HMCN1: variants seen among roughly 807,000 people sequenced by gnomAD.
The protein encoded by HMCN1 is hemicentin-1.
Under a neutral mutation model 625.9 loss-of-function variants are expected in HMCN1, and 321 were observed. The ratio of observed to expected loss-of-function variants is 0.51; its 90% CI spans 0.47 to 0.56. The LOEUF (loss-of-function observed/expected upper bound fraction) is 0.56, where lower values mean the gene tolerates loss of function less well. Among genes scored for constraint, HMCN1 ranks in the 20% least tolerant of loss-of-function variants. The probability of loss-of-function intolerance (pLI) is 0.00; values close to 1 mark genes in which losing one functional copy is unlikely to be tolerated. For missense variants in HMCN1, 6,588 were observed against 6,887.3 expected (o/e 0.96, Z 1.54); for synonymous variants, 2,425 against 2,417.6 (o/e 1.00, Z -0.09).
intron 4 of HMCN1, 40 bp downstream of exon 4, chr1:185,865,903 C>T: frequency 6.2e-7 from 1 of 1,607,876 alleles, no homozygotes; most frequent in Non-Finnish European, 8.5e-7. Context: ...TACCAGCTGC[C>T]TTATCAAAAT....
chr1:186,127,746 G>A (rs1233919219), intron 82 of HMCN1, among the ~76,000 whole-genome samples: 1 of 152,112 alleles, frequency 6.6e-6, no homozygotes, highest in Non-Finnish European at 1.5e-5. Flanking sequence ...CTGTCAAGAT[G>A]CTGTCAGCTT....
intron 20 of HMCN1, 142 bp from the exon 21 acceptor site, chr1:185,989,346 A>G: frequency 1.0e-6 from 1 of 979,268 alleles, no homozygotes. Context: ...ACTTTTTTCA[A>G]GTTAGCATTT....
At chr1:185,863,661 C>T (rs1294726971) in intron 2 of HMCN1, among the ~76,000 whole-genome samples, 1 of 152,044 alleles carries the variant, frequency 6.6e-6, no homozygotes, top group Non-Finnish European at 1.5e-5. Flanking sequence ...TACCAATCCA[C>T]ATAATTATGA....
At chr1:185,883,879 A>ATTTTTTTTTT (rs1205211897) in intron 4 of HMCN1, among the ~76,000 whole-genome samples, 4 of 55,950 alleles carry the variant, frequency 7.1e-5, no homozygotes, top group Non-Finnish European at 1.1e-4. Flanking sequence ...ATAGGTCATG[A>ATTTTTTTTTT]TTTTTTTTTT....
chr1:186,050,811 TG>T (rs892492771), intron 42 of HMCN1, among the ~76,000 whole-genome samples: 2 of 152,206 alleles, frequency 1.3e-5, no homozygotes, highest in Admixed American at 1.3e-4. Context: ...CGCTATGCCA[TG>T]TGTGGACATA....
intron 1 of HMCN1, among the ~76,000 whole-genome samples, chr1:185,796,626 C>CTGTG (rs150495815): frequency 0.021 from 3,050 of 148,756 alleles, 31 homozygotes; most frequent in South Asian, 0.026. Context: ...GAGTTTGTGT[C>CTGTG]TGTGTGTGTG....
chr1:186,076,634 T>C lies in HMCN1; in HGVS notation c.8485+12T>C. On this transcript the variant is annotated intron_variant, in intron 54 of 106. Coordinates refer to ENST00000271588, the MANE Select transcript of HMCN1 (RefSeq NM_031935.3). The stretch of plus-strand genomic sequence containing the variant: ...ATTGATTTTGCCAGGTAAAGATTGA[T>C]ACCAACAGGGTGAAAAGCTGACTCT... 1.2e-6 allele frequency: 2 copies of C among 1,610,522 alleles called. No homozygotes were observed. Among genetic ancestry groups the C allele is most frequent in the Non-Finnish European group, 1.7e-6 (2 of 1,178,506 alleles).
intron 4 of HMCN1, among the ~76,000 whole-genome samples, chr1:185,874,326 C>T (rs900327955): frequency 1.3e-5 from 2 of 151,816 alleles, no homozygotes; most frequent in African/African-American, 4.8e-5. Flanking sequence ...CGTCAAGGAC[C>T]ATATAGTTTT....
chr1:185,901,634 T>C (rs2102434280), intron 4 of HMCN1, among the ~76,000 whole-genome samples: 1 of 151,980 alleles, frequency 6.6e-6, no homozygotes, highest in East Asian at 1.9e-4. Flanking sequence ...ATCAAAACAA[T>C]GATCCAGTTA....
At position 185,826,675 on chromosome 1, in the gene HMCN1, T is replaced by C. The variant is rs115338928; in HGVS notation, c.269-19351T>C. ...TGGTTGAGCAAACAGCCAGTCTTCA[T>C]TGCAGTAGAGAAAGGATAGTTTACA... On this transcript the variant is annotated intron_variant, in intron 1 of 106. Coordinates refer to ENST00000271588, the MANE Select transcript of HMCN1 (RefSeq NM_031935.3). 3.3e-3 allele frequency among the ~76,000 whole-genome samples: 501 copies of C among 152,286 alleles called. 1 individual carries two copies. The highest frequency in any genetic ancestry group is 0.011 in the African/African-American group (477 of 41,550).
rs79176619 is a variant in HMCN1, at chr1:186,185,131, T to C, written c.16415-2752T>C. ...TGATATTTCTTTATAGATTCATATT[T>C]ACCCAATGAAAATATATCATAAGGT... On this transcript the variant is annotated intron_variant, in intron 105 of 106. Transcript: ENST00000271588. 7.3e-3 allele frequency among the ~76,000 whole-genome samples: 1,113 copies of C among 152,292 alleles called. 16 individuals carry two copies. Among genetic ancestry groups the C allele is most frequent in the African/African-American group, 0.026 (1,064 of 41,564 alleles).
intron 70 of HMCN1, 114 bp downstream of exon 70, chr1:186,107,079 T>C (rs1660643409): frequency 2.6e-6 from 2 of 782,982 alleles, no homozygotes; most frequent in Admixed American, 1.9e-5. Context: ...ATATATATTT[T>C]GCAAATCTGA....
intron 17 of HMCN1, 33 bp downstream of exon 17, chr1:185,981,106 C>A: frequency 7.9e-7 from 1 of 1,262,264 alleles, no homozygotes; most frequent in Non-Finnish European, 1.2e-6. Context: ...ATACCATGGT[C>A]TTCAAAGTCA....
chr1:185,977,971 C>A lies in HMCN1; in HGVS notation c.2556C>A (p.Leu852=). 6.2e-7 allele frequency: 1 copy of A among 1,610,216 alleles called. No homozygotes were observed. The highest frequency in any genetic ancestry group is 2.2e-5 in the East Asian group (1 of 44,752). ...SSISQLRTGA[L]FILNLWASDK... ...TCAGCCAACTAAGAACAGGAGCTCT[C>A]TTTATTTTAAGTAGGTTGAAGGAAA... The change falls in exon 16 of 107, where the codon CTC becomes CTA. Residue 852 remains leucine (L), a synonymous_variant. Transcript: ENST00000271588.
intron 93 of HMCN1, among the ~76,000 whole-genome samples, chr1:186,147,827 A>G (rs1053578795): frequency 1.3e-5 from 2 of 152,238 alleles, no homozygotes; most frequent in African/African-American, 2.4e-5. Flanking sequence ...CAGAAAGTCA[A>G]TCTTTTAGCT....
intron 1 of HMCN1, among the ~76,000 whole-genome samples, chr1:185,759,497 GC>G (rs1388847051): frequency 2.0e-5 from 3 of 152,174 alleles, no homozygotes; most frequent in African/African-American, 7.2e-5. Context: ...ATTTTGAGCA[GC>G]TATCCTTCAA....
intron 89 of HMCN1, among the ~76,000 whole-genome samples, chr1:186,142,788 G>C (rs1650052268): frequency 6.6e-6 from 1 of 152,112 alleles, no homozygotes; most frequent in African/African-American, 2.4e-5. Context: ...ATATGTAGTA[G>C]AAATGACACA....
Position 186,114,847 on chromosome 1 carries a change from C to G in HMCN1, c.11305C>G (p.His3769Asp). The change falls in exon 74 of 107, where the codon CAT becomes GAT. Residue 3769 changes from histidine to aspartate, a missense_variant. Physicochemically the swap from His to Asp is moderately conservative, Grantham distance 81. Around this residue, in one of 3 missense-constraint regions of HMCN1, gnomAD observed 4,628 missense variants for 4,853.1 expected, o/e 0.95. Coordinates refer to ENST00000271588, the MANE Select transcript of HMCN1 (RefSeq NM_031935.3). ...TTCCATCTTGGAAAATGGATTCCTT[C>G]ATATTCAATCAGCACATGTCACTGA... ...RYSILENGFLHIQSAHVTDTG... is the reference protein window; with the variant it reads ...RYSILENGFLDIQSAHVTDTG... The G allele has an allele frequency of 1.2e-6, 2 of 1,614,068 alleles. No individual in the cohort carries two copies. Among genetic ancestry groups the G allele is most frequent in the Non-Finnish European group, 1.7e-6 (2 of 1,179,916 alleles).
Position 186,046,329 on chromosome 1 carries a change from C to T in HMCN1, c.6480+466C>T, listed in dbSNP as rs150685085. 3.5e-3 allele frequency among the ~76,000 whole-genome samples: 533 copies of T among 152,130 alleles called. 4 individuals are homozygous for T. The highest frequency in any genetic ancestry group is 0.012 in the African/African-American group (504 of 41,526). On this transcript the variant is annotated intron_variant, in intron 41 of 106. Transcript: ENST00000271588. ...ACTAAAAACACAAAAATTAGCCTGA[C>T]GTGGTGACATGCACCGGTAATCCCA...
Sources: gnomAD v4.1 joint callset for allele counts (sites outside exome capture counted in the v4.1 genomes callset) on GRCh38, gnomAD v4.1.1 for gene constraint, gnomAD v4.1.1 regional missense constraint, MANE v1.5 for transcripts, NCBI Gene and HGNC (gene_info 2026-07-23, HGNC 2026-07-21) for gene names.